The following GPR158 variants were observed in gnomAD, a reference collection of about 807,000 sequenced individuals.
GPR158 encodes the protein G protein-coupled receptor 158.
A neutral mutation model predicts 78.2 loss-of-function variants in GPR158; 30 were observed. That is an observed-to-expected ratio of 0.38 (90% CI 0.29 to 0.52). The LOEUF (loss-of-function observed/expected upper bound fraction) is 0.52. Ranked by LOEUF, GPR158 falls within the 20% of genes least tolerant of loss-of-function variation. The pLI is 0.83. For missense variants in GPR158, 1,463 were observed against 1,523.5 expected (o/e 0.96, Z 0.66); for synonymous variants, 581 against 591.1 (o/e 0.98, Z 0.25).
At chr10:25,336,911 G>A (rs1855216305) in intron 2 of GPR158, among the ~76,000 whole-genome samples, 1 of 152,044 alleles carries the variant, frequency 6.6e-6, no homozygotes, top group South Asian at 2.1e-4. Context: ...GTGTCAGTCA[G>A]CCTTTTCTGA....
Position 25,338,515 on chromosome 10 carries a change from A to T in GPR158, c.1009-57396A>T, listed in dbSNP as rs140244718. Among the ~76,000 whole-genome samples, 545 of 141,058 alleles carry T rather than the reference A, an allele frequency of 3.9e-3. 3 individuals are homozygous for T. The highest frequency in any genetic ancestry group is 5.8e-3 in the Non-Finnish European group (369 of 63,406). 92.5% of individuals were successfully genotyped at this position (141,058 alleles called of 152,430 possible). A position where few individuals can be genotyped will look rare whatever the true frequency, so the allele number is the denominator to read the frequency against. ...AATATACGTATATATATTACGTATA[A>T]TATACGTATATTACGTATATTATAT... On this transcript the variant is annotated intron_variant, in intron 2 of 10. Coordinates refer to ENST00000376351, the MANE Select transcript of GPR158 (RefSeq NM_020752.3).
At chr10:25,445,701 G>A (rs1173340126) in intron 4 of GPR158, among the ~76,000 whole-genome samples, 2 of 152,046 alleles carry the variant, frequency 1.3e-5, no homozygotes, top group Non-Finnish European at 2.9e-5. Flanking sequence ...ACCATAGGAA[G>A]TAGAAATGCC....
At chr10:25,341,133 A>G (rs1855297812) in intron 2 of GPR158, among the ~76,000 whole-genome samples, 1 of 152,022 alleles carries the variant, frequency 6.6e-6, no homozygotes. Flanking sequence ...AAATAAACTC[A>G]TTTTCAGACA....
intron 5 of GPR158, among the ~76,000 whole-genome samples, chr10:25,530,922 T>C (rs1588900636): frequency 6.7e-6 from 1 of 149,932 alleles, no homozygotes; most frequent in African/African-American, 2.5e-5. Context: ...CTGAATATTT[T>C]CTTCCCTTCT....
chr10:25,361,277 T>A (rs977856838), intron 2 of GPR158, among the ~76,000 whole-genome samples: 6 of 151,966 alleles, frequency 3.9e-5, no homozygotes, highest in African/African-American at 1.2e-4. Flanking sequence ...CCTTCTTTTT[T>A]AAGTCTGAAT....
rs12768181 is a variant in GPR158 at position 25,334,804 on chromosome 10, A to C, written c.1009-61107A>C. 1.6e-3 allele frequency among the ~76,000 whole-genome samples: 224 copies of C among 142,826 alleles called. 1 individual carries two copies. The highest frequency in any genetic ancestry group is 4.4e-3 in the Admixed American group (66 of 14,942). 93.7% of individuals were successfully genotyped at this position (142,826 alleles called of 152,430 possible). A position where few individuals can be genotyped will look rare whatever the true frequency, so the allele number is the denominator to read the frequency against. The stretch of plus-strand genomic sequence containing the variant: ...AAAAGGGAAGTACAAGACAAATATG[A>C]AATGAGATTTTTGCTCAACTCAATG... On this transcript the variant is annotated intron_variant, in intron 2 of 10. Transcript: ENST00000376351.
At chr10:25,576,354 T>C (rs1388155832) in intron 7 of GPR158, among the ~76,000 whole-genome samples, 1 of 152,180 alleles carries the variant, frequency 6.6e-6, no homozygotes, top group African/African-American at 2.4e-5. Context: ...AACCCATTCC[T>C]AGCTCATTTA....
rs142490216 is a variant in GPR158 at position 25,588,626 on chromosome 10, T to C, written c.1754-381T>C. On this transcript the variant is annotated intron_variant, in intron 7 of 10. Coordinates refer to ENST00000376351, the MANE Select transcript of GPR158 (RefSeq NM_020752.3). ...ATAAACATGTTCTAAACTTTTGTTG[T>C]TGTTGTTGCCTTGGTAACTTTATTG... Among the ~76,000 whole-genome samples the C allele has an allele frequency of 2.1e-3, 321 of 152,370 alleles. 11 individuals are homozygous for C. In the South Asian group the frequency reaches 0.046, roughly 22 times the overall value.
At chr10:25,587,013 C>T (rs74942140) in intron 7 of GPR158, among the ~76,000 whole-genome samples, 10,328 of 152,130 alleles carry the variant, frequency 0.068, 463 homozygotes, top group South Asian at 0.19. Flanking sequence ...TCTTGCTGAC[C>T]GACTAAAATT....
At chr10:25,482,868 C>T (rs578216615) in intron 5 of GPR158, among the ~76,000 whole-genome samples, 5 of 152,154 alleles carry the variant, frequency 3.3e-5, no homozygotes, top group African/African-American at 1.2e-4. Flanking sequence ...CAGCTTCTAA[C>T]AATTCAATTT....
At chr10:25,277,349 A>G (rs948963670) in intron 2 of GPR158, among the ~76,000 whole-genome samples, 1 of 152,150 alleles carries the variant, frequency 6.6e-6, no homozygotes, top group Non-Finnish European at 1.5e-5. Context: ...ATGAGCTCCT[A>G]TAGGAAAAAA....
chr10:25,586,390 A>ATTT (rs1564498202), intron 7 of GPR158, among the ~76,000 whole-genome samples: 1 of 130,942 alleles, frequency 7.6e-6, no homozygotes, highest in Non-Finnish European at 1.6e-5. Flanking sequence ...GGTATGTGTG[A>ATTT]ATTTTTTTTT....
At chr10:25,433,625 A>G (rs1172226824) in intron 4 of GPR158, among the ~76,000 whole-genome samples, 1 of 151,274 alleles carries the variant, frequency 6.6e-6, no homozygotes, top group East Asian at 1.9e-4. Context: ...GTAAGGGTAA[A>G]TAAGGAGAGA....
At position 25,176,313 on chromosome 10, in the gene GPR158, C is replaced by G; in HGVS notation, c.893C>G (p.Pro298Arg). 1 of 1,575,114 alleles carries G rather than the reference C, an allele frequency of 6.3e-7. No homozygotes were observed. The highest frequency in any genetic ancestry group is 8.6e-7 in the Non-Finnish European group (1 of 1,160,512). Residue 298 changes from proline to arginine, a missense_variant, in exon 1 of 11, where the codon CCG (proline) becomes CGG (arginine). Coordinates refer to ENST00000376351, the MANE Select transcript of GPR158 (RefSeq NM_020752.3). The surrounding 1 kb of genome is among the most constrained non-coding windows in gnomAD (Gnocchi z 6.3). ...TACGGGTTGCAGCCTAACCTGGTCC[C>G]GGAATTCAGGTAGGGAGGGCCGGGG... ...AIYGLQPNLV[P>R]EFRGVMKVDI... is the part of the protein sequence containing the mutation.
At chr10:25,484,032 TATG>T (rs778341054) in intron 5 of GPR158, among the ~76,000 whole-genome samples, 3 of 152,196 alleles carry the variant, frequency 2.0e-5, no homozygotes, top group Non-Finnish European at 4.4e-5. Flanking sequence ...CTAATTTCCC[TATG>T]GGCTTATAGA....
chr10:25,588,988 T>C lies in GPR158; in HGVS notation c.1754-19T>C, dbSNP rs747461405. On this transcript the variant is annotated intron_variant, in intron 7 of 10. Transcript: ENST00000376351. ...TCTTCACCTATAAAACTCATGAAAA[T>C]GGTTTGTTATTTTCACAGCTGAATT... is the stretch of plus-strand genomic sequence containing the variant. 6 of 1,509,742 alleles carry C rather than the reference T, an allele frequency of 4.0e-6. No homozygotes were observed. The highest frequency in any genetic ancestry group is 5.4e-6 in the Non-Finnish European group (6 of 1,111,444). The allele number at this position is 1,509,742 out of a possible 1,614,324, so 93.5% of individuals were successfully genotyped here. A position where few individuals can be genotyped will look rare whatever the true frequency, so the allele number is the denominator to read the frequency against.
At chr10:25,472,983 A>C (rs1835529969) in intron 5 of GPR158, among the ~76,000 whole-genome samples, 2 of 152,242 alleles carry the variant, frequency 1.3e-5, no homozygotes, top group African/African-American at 4.8e-5. Flanking sequence ...CAGAACTTCC[A>C]ACACTATGTT....
chr10:25,254,773 G>T (rs868154206), intron 2 of GPR158, among the ~76,000 whole-genome samples: 8 of 152,142 alleles, frequency 5.3e-5, no homozygotes, highest in African/African-American at 1.4e-4. Context: ...AAGCATATTA[G>T]TGTAATGTAT....
At chr10:25,269,365 T>G (rs1854086150) in intron 2 of GPR158, among the ~76,000 whole-genome samples, 1 of 152,204 alleles carries the variant, frequency 6.6e-6, no homozygotes. Flanking sequence ...GTCTATGTTT[T>G]TATCATAATG....
Sources: gnomAD v4.1 joint callset for allele counts (sites outside exome capture counted in the v4.1 genomes callset) on GRCh38, gnomAD v4.1.1 for gene constraint, Gnocchi (gnomAD v3.1) non-coding constraint, MANE v1.5 for transcripts, NCBI Gene and HGNC (gene_info 2026-07-23, HGNC 2026-07-21) for gene names.